SLIT2: variants seen among roughly 807,000 people sequenced by gnomAD.
The protein encoded by SLIT2 is slit guidance ligand 2, also known as slit homolog 2 protein.
In SLIT2, 41 loss-of-function variants were observed where a neutral mutation model predicts 185.7. The observed-to-expected ratio is 0.22, with a 90% confidence interval of 0.17 to 0.29. The LOEUF is 0.29. Ranked by LOEUF, SLIT2 falls within the 10% of genes least tolerant of loss-of-function variation. SLIT2 has a pLI of 1.00. For missense variants in SLIT2, 1,571 were observed against 1,909.0 expected (o/e 0.82, Z 3.30); for synonymous variants, 693 against 680.2 (o/e 1.02, Z -0.29).
chr4:20,612,504 G>A (rs1439099467), intron 34 of SLIT2, among the ~76,000 whole-genome samples: 1 of 152,046 alleles, frequency 6.6e-6, no homozygotes, highest in Non-Finnish European at 1.5e-5. Context: ...GCAGTCTCAA[G>A]GGTGACTCAG....
intron 4 of SLIT2, among the ~76,000 whole-genome samples, chr4:20,295,928 C>T (rs1348092854): frequency 6.6e-6 from 1 of 152,178 alleles, no homozygotes; most frequent in Non-Finnish European, 1.5e-5. Context: ...TTCTTTGCCA[C>T]AGTGCTCTAA....
At position 20,472,508 on chromosome 4, in the gene SLIT2, A is replaced by C. The variant is rs1453096138; in HGVS notation, c.467+4685A>C. ...TCTATATATAGATATATATCTATAT[A>C]TAGATAGATATATATCTATATATAG... On this transcript the variant is annotated intron_variant, in intron 5 of 36. Coordinates refer to ENST00000504154, the MANE Select transcript of SLIT2 (RefSeq NM_004787.4). Among the ~76,000 whole-genome samples, 3 of 21,808 alleles carry C rather than the reference A, an allele frequency of 1.4e-4. 1 individual carries two copies. Among genetic ancestry groups the C allele is most frequent in the African/African-American group, 8.7e-4 (3 of 3,448 alleles). 14.3% of individuals were successfully genotyped at this position (21,808 alleles called of 152,430 possible). A position where few individuals can be genotyped will look rare whatever the true frequency, so the allele number is the denominator to read the frequency against.
chr4:20,409,683 C>T (rs1368100884), intron 4 of SLIT2, among the ~76,000 whole-genome samples: 5 of 152,158 alleles, frequency 3.3e-5, no homozygotes, highest in African/African-American at 9.7e-5. Flanking sequence ...TTTACATTCC[C>T]ATCAACAATG....
At chr4:20,259,158 G>A (rs1222937804) in intron 3 of SLIT2, among the ~76,000 whole-genome samples, 1 of 151,496 alleles carries the variant, frequency 6.6e-6, no homozygotes, top group Non-Finnish European at 1.5e-5. Context: ...ATTTTAGAGG[G>A]AAATTAAAAT....
chr4:20,324,680 A>G (rs538675730), intron 4 of SLIT2, among the ~76,000 whole-genome samples: 50 of 152,280 alleles, frequency 3.3e-4, no homozygotes, highest in African/African-American at 1.2e-3. Context: ...TGCTTTTGTT[A>G]ACTAGCTAAA....
In SLIT2 at chr4:20,253,453, A is replaced by T. The variant is rs1339949954; in HGVS notation, c.-363A>T. 2 of 278,702 alleles carry T rather than the reference A, an allele frequency of 7.2e-6. No homozygotes were observed. The highest frequency in any genetic ancestry group is 4.4e-5 in the African/African-American group (2 of 45,916). The allele number at this position is 278,702 out of a possible 1,614,324, so 17.3% of individuals were successfully genotyped here. ...CCACAACAACCGGCCCCTGCATCTT[A>T]GCAGCCGTTGGAAGCCCCAGCTCTT... On this transcript the variant is annotated 5_prime_UTR_variant, in exon 1 of 37. Coordinates refer to ENST00000504154, the MANE Select transcript of SLIT2 (RefSeq NM_004787.4).
At chr4:20,337,728 G>T (rs1720622867) in intron 4 of SLIT2, among the ~76,000 whole-genome samples, 1 of 152,084 alleles carries the variant, frequency 6.6e-6, no homozygotes, top group Non-Finnish European at 1.5e-5. Context: ...ATAGTTTCAG[G>T]CTCACATATA....
intron 4 of SLIT2, chr4:20,364,285 G>A (rs1427283096): frequency 6.1e-6 from 6 of 984,950 alleles, no homozygotes; most frequent in Non-Finnish European, 7.2e-6. Flanking sequence ...ATATGAAAGG[G>A]TAAGCATTAA....
At chr4:20,305,077 C>T (rs1285817909) in intron 4 of SLIT2, among the ~76,000 whole-genome samples, 3 of 152,176 alleles carry the variant, frequency 2.0e-5, no homozygotes, top group Admixed American at 6.5e-5. Flanking sequence ...AATAGGTATT[C>T]GAAAATGTTT....
intron 4 of SLIT2, among the ~76,000 whole-genome samples, chr4:20,320,629 T>C (rs1182977884): frequency 6.6e-6 from 1 of 152,082 alleles, no homozygotes; most frequent in Non-Finnish European, 1.5e-5. Context: ...CCTTTACTCA[T>C]CCCTGTTTTG....
chr4:20,559,654 G>A (rs948560023), intron 26 of SLIT2, among the ~76,000 whole-genome samples: 12 of 151,436 alleles, frequency 7.9e-5, no homozygotes, highest in East Asian at 1.9e-4. Flanking sequence ...TAATCTTTCC[G>A]CCATTCTTAT....
chr4:20,615,612 G>C (rs532621560), intron 34 of SLIT2: 1 of 152,364 alleles, frequency 6.6e-6, no homozygotes, highest in African/African-American at 2.4e-5. Context: ...AGTGCACGCA[G>C]AACCAGAAAT....
chr4:20,472,567 T>G lies in SLIT2; in HGVS notation c.467+4744T>G, dbSNP rs1343386009. 8.8e-5 allele frequency among the ~76,000 whole-genome samples: 2 copies of G among 22,726 alleles called. 1 individual carries two copies. Among genetic ancestry groups the G allele is most frequent in the Non-Finnish European group, 1.3e-4 (2 of 15,702 alleles). The allele number at this position is 22,726 out of a possible 152,430, so 14.9% of individuals were successfully genotyped here. ...ATATCTATATATAGATATATATCTA[T>G]ATATAGATATATCTATATATAGATA... On this transcript the variant is annotated intron_variant, in intron 5 of 36. Coordinates refer to ENST00000504154, the MANE Select transcript of SLIT2 (RefSeq NM_004787.4).
chr4:20,514,441 G>A (rs372105859), intron 11 of SLIT2, among the ~76,000 whole-genome samples: 5 of 152,268 alleles, frequency 3.3e-5, no homozygotes, highest in Admixed American at 2.0e-4. Context: ...AGGAGTTCAA[G>A]ACTGGCCTGG....
intron 4 of SLIT2, among the ~76,000 whole-genome samples, chr4:20,402,700 A>G (rs923444572): frequency 4.0e-5 from 6 of 151,820 alleles, no homozygotes; most frequent in East Asian, 1.9e-4. Flanking sequence ...ACCCTACACA[A>G]TTTGCCTCGA....
At chr4:20,573,471 T>C (rs1725801862) in intron 29 of SLIT2, among the ~76,000 whole-genome samples, 1 of 152,212 alleles carries the variant, frequency 6.6e-6, no homozygotes, top group Non-Finnish European at 1.5e-5. Flanking sequence ...GCAATTTATC[T>C]ATTGTTAGAA....
At chr4:20,490,690 G>T in intron 8 of SLIT2, 3 of 741,706 alleles carry the variant, frequency 4.0e-6, no homozygotes, top group Non-Finnish European at 6.6e-6. Context: ...ATAATATCAT[G>T]GAATGTTCTC....
chr4:20,512,506 A>T lies in SLIT2; in HGVS notation c.1058+1369A>T, dbSNP rs1719847536. Among the ~76,000 whole-genome samples, 4 of 152,180 alleles carry T rather than the reference A, an allele frequency of 2.6e-5. No homozygotes were observed. The South Asian group carries it at 8.3e-4, about 31-fold the overall frequency. ...GGGTTTTGACTAGAAGAAGCACGAG[A>T]TTAAAGGAACAATTGTTGGCAGAAA... On this transcript the variant is annotated intron_variant, in intron 11 of 36. Coordinates refer to ENST00000504154, the MANE Select transcript of SLIT2 (RefSeq NM_004787.4).
chr4:20,612,643 C>T (rs1277277408), intron 34 of SLIT2, among the ~76,000 whole-genome samples: 4 of 152,230 alleles, frequency 2.6e-5, no homozygotes, highest in East Asian at 1.9e-4. Flanking sequence ...TACAGCTGGG[C>T]GCGGTGGCTC....
Sources: allele counts gnomAD v4.1 joint callset (sites outside exome capture counted in the v4.1 genomes callset), GRCh38; gene constraint gnomAD v4.1.1; transcripts MANE v1.5; gene names NCBI Gene and HGNC (gene_info 2026-07-23, HGNC 2026-07-21).